ELMO1: variants seen among roughly 807,000 people sequenced by gnomAD.
The protein encoded by ELMO1 is engulfment and cell motility 1, also known as engulfment and cell motility protein 1.
ELMO1 carries 26 observed loss-of-function variants against 98.9 expected under a neutral mutation model. That is an observed-to-expected ratio of 0.26 (90% CI 0.19 to 0.36). ELMO1 has a LOEUF of 0.36. ELMO1 is among the 10% of genes least tolerant of loss of function. The pLI, the probability that ELMO1 is intolerant of heterozygous loss-of-function variation, is 1.00. For missense variants in ELMO1, 627 were observed against 935.2 expected (o/e 0.67, Z 4.30); for synonymous variants, 346 against 346.0 (o/e 1.00, Z 0.00).
chr7:37,228,238 C>A (rs1793973932), intron 8 of ELMO1, among the ~76,000 whole-genome samples: 1 of 152,220 alleles, frequency 6.6e-6, no homozygotes, highest in Non-Finnish European at 1.5e-5. Flanking sequence ...GAGACCAACT[C>A]CTTATAACTG....
At chr7:37,244,987 C>G (rs1341278613) in intron 6 of ELMO1, among the ~76,000 whole-genome samples, 1 of 152,118 alleles carries the variant, frequency 6.6e-6, no homozygotes, top group African/African-American at 2.4e-5. Flanking sequence ...TTTAAAAAAA[C>G]TAGGCTCAAG....
At chr7:36,920,230 A>G (rs962292105) in intron 16 of ELMO1, among the ~76,000 whole-genome samples, 2 of 152,264 alleles carry the variant, frequency 1.3e-5, no homozygotes, top group African/African-American at 4.8e-5. Context: ...GAGTATGTGA[A>G]AATGAATGAA....
At chr7:37,119,921 T>C (rs1785890198) in intron 14 of ELMO1, among the ~76,000 whole-genome samples, 1 of 152,208 alleles carries the variant, frequency 6.6e-6, no homozygotes, top group South Asian at 2.1e-4. Flanking sequence ...CAAGGTTCTG[T>C]CTCCAGATTG....
Position 37,091,326 on chromosome 7 carries a change from C to T in ELMO1, c.1300+5293G>A, listed in dbSNP as rs1434703377. 2.0e-5 allele frequency among the ~76,000 whole-genome samples: 3 copies of T among 152,090 alleles called. No individual in the cohort carries two copies. The South Asian group carries it at 6.2e-4, about 32-fold the overall frequency. On this transcript the variant is annotated intron_variant, in intron 15 of 21. Coordinates refer to ENST00000310758, the MANE Select transcript of ELMO1 (RefSeq NM_014800.11). ...TTCACCATGTTGGCCAGGCTGGTCT[C>T]GAACTCCTGACCTCAGGTGATCCAC...
intron 1 of ELMO1, among the ~76,000 whole-genome samples, chr7:37,414,054 C>A (rs149796643): frequency 4.1e-5 from 6 of 146,950 alleles, no homozygotes; most frequent in Non-Finnish European, 4.6e-5. Flanking sequence ...CAATTTACCT[C>A]CACTTTAATA....
intron 13 of ELMO1, among the ~76,000 whole-genome samples, chr7:37,210,092 A>T (rs367600563): frequency 1.4e-5 from 2 of 143,216 alleles, no homozygotes; most frequent in African/African-American, 2.9e-5. Context: ...GGAGAGAGTT[A>T]AAAAAAAAAT....
chr7:37,333,400 C>A (rs1352347385), intron 2 of ELMO1, among the ~76,000 whole-genome samples: 1 of 152,178 alleles, frequency 6.6e-6, no homozygotes, highest in South Asian at 2.1e-4. Flanking sequence ...GTTGCCCGAA[C>A]TTCTCAGAGT....
intron 18 of ELMO1, among the ~76,000 whole-genome samples, chr7:36,887,182 A>T (rs374150685): frequency 6.6e-6 from 1 of 152,224 alleles, no homozygotes; most frequent in East Asian, 1.9e-4. Context: ...TGGTGAGGAT[A>T]AAATGCTTTA....
chr7:37,161,905 A>AATATATATATATATATATATATATAT (rs6150082), intron 13 of ELMO1, among the ~76,000 whole-genome samples: 610 of 42,262 alleles, frequency 0.014, 100 homozygotes, highest in Non-Finnish European at 0.02. Flanking sequence ...CAGGTAATCA[A>AATATATATATATATATATATATATAT]ATATATATAT....
intron 4 of ELMO1, among the ~76,000 whole-genome samples, chr7:37,310,834 G>A (rs1419281026): frequency 6.6e-6 from 1 of 152,168 alleles, no homozygotes; most frequent in African/African-American, 2.4e-5. Context: ...AAGTTGTTGA[G>A]TAACCTCTCT....
intron 4 of ELMO1, among the ~76,000 whole-genome samples, chr7:37,279,819 C>G (rs1327098921): frequency 6.6e-6 from 1 of 152,166 alleles, no homozygotes; most frequent in Non-Finnish European, 1.5e-5. Context: ...GGGAGTGAGA[C>G]TGGCCCTTCA....
intron 15 of ELMO1, among the ~76,000 whole-genome samples, chr7:37,074,619 C>G (rs2129228065): frequency 6.6e-6 from 1 of 152,262 alleles, no homozygotes; most frequent in African/African-American, 2.4e-5. Context: ...AGTAGGTGCC[C>G]CACAGAAGTG....
At chr7:37,127,448 G>A (rs1462757770) in intron 14 of ELMO1, among the ~76,000 whole-genome samples, 1 of 152,150 alleles carries the variant, frequency 6.6e-6, no homozygotes, top group Non-Finnish European at 1.5e-5. Context: ...ACTGGAAGAA[G>A]CCTGAGATTT....
At position 37,216,674 on chromosome 7, in the gene ELMO1, G is replaced by T. The variant is rs755495695; in HGVS notation, c.802C>A (p.Gln268Lys). 1 of 1,614,092 alleles carries T rather than the reference G, an allele frequency of 6.2e-7. No individual in the cohort carries two copies. Among genetic ancestry groups the T allele is most frequent in the Non-Finnish European group, 8.5e-7 (1 of 1,179,988 alleles). The change falls in exon 11 of 22, where the codon CAG (glutamine) becomes AAG (lysine). Residue 268 changes from glutamine (Q) to lysine (K), a missense_variant. This residue lies in a region of ELMO1 where 492 missense variants were observed against 715.6 expected (regional missense o/e 0.69). Transcript: ENST00000310758. ...AAAATGATGGAACGCAGTTGCTTCT[G>T]AGCCAAAATATTCGCCATCTCCTGT... is the stretch of plus-strand genomic sequence containing the variant. ...RRQEMANILA[Q>K]KQLRSIILTH...
intron 16 of ELMO1, among the ~76,000 whole-genome samples, chr7:36,952,964 CTTT>C (rs70980904): frequency 7.2e-5 from 6 of 82,874 alleles, no homozygotes; most frequent in African/African-American, 1.4e-4. Flanking sequence ...AGTCACTACT[CTTT>C]TTTTTTTTTT....
chr7:36,921,518 T>C (rs1159135260), intron 16 of ELMO1, among the ~76,000 whole-genome samples: 1 of 152,224 alleles, frequency 6.6e-6, no homozygotes, highest in Non-Finnish European at 1.5e-5. Context: ...ATGTTGATGT[T>C]ATTATTATTG....
At chr7:36,972,848 TC>T (rs2129134899) in intron 16 of ELMO1, among the ~76,000 whole-genome samples, 1 of 152,326 alleles carries the variant, frequency 6.6e-6, no homozygotes, top group East Asian at 1.9e-4. Context: ...TGGCGCGATC[TC>T]GGCTCACTGC....
At chr7:37,234,113 A>G (rs970921495) in intron 7 of ELMO1, among the ~76,000 whole-genome samples, 2 of 152,168 alleles carry the variant, frequency 1.3e-5, no homozygotes, top group South Asian at 4.1e-4. Flanking sequence ...AAGTATTAAC[A>G]CCTTTATGAT....
At chr7:37,198,028 C>G (rs1399685699) in intron 13 of ELMO1, among the ~76,000 whole-genome samples, 1 of 152,214 alleles carries the variant, frequency 6.6e-6, no homozygotes, top group Non-Finnish European at 1.5e-5. Context: ...TGAGTCTTAT[C>G]TGCTTTTGAA....
Sources: allele counts gnomAD v4.1 joint callset (sites outside exome capture counted in the v4.1 genomes callset), GRCh38; gene constraint gnomAD v4.1.1; regional missense constraint gnomAD v4.1.1; transcripts MANE v1.5; gene names NCBI Gene and HGNC (gene_info 2026-07-23, HGNC 2026-07-21).